The following FAM110B variants were observed in gnomAD, a reference collection of about 807,000 sequenced individuals.
The protein encoded by FAM110B is family with sequence similarity 110 member B.
FAM110B carries 6 observed loss-of-function variants against 20.4 expected under a neutral mutation model. The ratio of observed to expected loss-of-function variants is 0.29; its 90% CI spans 0.16 to 0.58. The LOEUF is 0.58. Ranked by LOEUF, FAM110B falls within the 20% of genes least tolerant of loss-of-function variation. FAM110B has a pLI of 0.90. For missense variants in FAM110B, 434 were observed against 498.2 expected (o/e 0.87, Z 1.23); for synonymous variants, 226 against 214.1 (o/e 1.06, Z -0.49).
intron 3 of FAM110B, among the ~76,000 whole-genome samples, chr8:58,117,780 C>T (rs1397353196): frequency 2.6e-5 from 4 of 151,982 alleles, no homozygotes; most frequent in African/African-American, 9.7e-5. Context: ...GTAGTATGTG[C>T]CTAATGAATA....
chr8:58,142,030 A>G (rs1171791108), intron 3 of FAM110B, among the ~76,000 whole-genome samples: 1 of 152,178 alleles, frequency 6.6e-6, no homozygotes, highest in African/African-American at 2.4e-5. Flanking sequence ...GGTCCTGTTC[A>G]CCTGACTGCA....
intron 3 of FAM110B, among the ~76,000 whole-genome samples, chr8:58,084,147 T>G (rs1045078927): frequency 4.6e-5 from 7 of 152,270 alleles, no homozygotes; most frequent in Admixed American, 4.6e-4. Context: ...GAATTGTGCT[T>G]ATGACCAAGA....
intron 3 of FAM110B, among the ~76,000 whole-genome samples, chr8:58,087,687 A>G (rs1233192835): frequency 6.6e-6 from 1 of 152,210 alleles, no homozygotes; most frequent in Admixed American, 6.5e-5. Flanking sequence ...TAGTGGTTTC[A>G]AGGCTGATGG....
chr8:58,070,915 T>C (rs1805882731), intron 2 of FAM110B, among the ~76,000 whole-genome samples: 1 of 152,208 alleles, frequency 6.6e-6, no homozygotes, highest in East Asian at 1.9e-4. Context: ...TAGTTTTTAT[T>C]AAGCCTTTTG....
At chr8:58,099,155 A>T (rs1194126981) in intron 3 of FAM110B, 1 of 152,174 alleles carries the variant, frequency 6.6e-6, no homozygotes, top group Non-Finnish European at 1.5e-5. Flanking sequence ...GATGTAGACA[A>T]ATACTCAAGG....
At chr8:58,020,641 TTGAA>T (rs1417512366) in intron 1 of FAM110B, among the ~76,000 whole-genome samples, 1 of 152,250 alleles carries the variant, frequency 6.6e-6, no homozygotes, top group Non-Finnish European at 1.5e-5. Context: ...GATTAAAAGA[TTGAA>T]TGAAGCATCA....
intron 2 of FAM110B, among the ~76,000 whole-genome samples, chr8:58,059,611 AT>A (rs1205808458): frequency 6.7e-6 from 1 of 149,158 alleles, no homozygotes; most frequent in Admixed American, 6.7e-5. Flanking sequence ...TTCTTTTGTT[AT>A]TGATTTGTAG....
chr8:58,100,800 C>A (rs1054713753), intron 3 of FAM110B: 3 of 152,194 alleles, frequency 2.0e-5, no homozygotes, highest in Non-Finnish European at 4.4e-5. Context: ...ACAATGCATT[C>A]TGAGGTATTG....
chr8:58,030,546 GGCATAGATCTTAAT>G (rs11271418), intron 1 of FAM110B, among the ~76,000 whole-genome samples: 23,996 of 152,094 alleles, frequency 0.16, 2,365 homozygotes, highest in African/African-American at 0.26. Flanking sequence ...TGAGGACGCT[GGCATAGATCTTAAT>G]GAAGTAGTTT....
intron 1 of FAM110B, among the ~76,000 whole-genome samples, chr8:58,026,628 G>A (rs1044326790): frequency 2.0e-5 from 3 of 152,112 alleles, no homozygotes; most frequent in Non-Finnish European, 4.4e-5. Flanking sequence ...TTAACAAGGG[G>A]ATTGTATTAC....
At chr8:58,042,817 A>G (rs1805247110) in intron 2 of FAM110B, among the ~76,000 whole-genome samples, 1 of 152,246 alleles carries the variant, frequency 6.6e-6, no homozygotes, top group African/African-American at 2.4e-5. Flanking sequence ...ATTGAAATAG[A>G]TAAAAAAGCA....
At position 58,121,909 on chromosome 8, in the gene FAM110B, C is replaced by T. The variant is rs1034318098; in HGVS notation, c.-324-23998C>T. ...CTTCTCATCAACAGAATGTGGGAAC[C>T]GCCTTTGGCTGCCCTTCTGGATGGA... On this transcript the variant is annotated intron_variant, in intron 3 of 3. Coordinates refer to ENST00000519262, the MANE Select transcript of FAM110B (RefSeq NM_001377989.1). Among the ~76,000 whole-genome samples, 6 of 152,290 alleles carry T rather than the reference C, an allele frequency of 3.9e-5. No homozygotes were observed. In the South Asian group the frequency reaches 8.3e-4, roughly 21 times the overall value.
At chr8:58,000,684 A>G (rs1804275224) in intron 1 of FAM110B, among the ~76,000 whole-genome samples, 1 of 152,188 alleles carries the variant, frequency 6.6e-6, no homozygotes, top group East Asian at 1.9e-4. Flanking sequence ...TCTTGGTCAA[A>G]AAGAGACATT....
chr8:58,028,462 T>C (rs564342135), intron 1 of FAM110B, among the ~76,000 whole-genome samples: 1 of 152,306 alleles, frequency 6.6e-6, no homozygotes, highest in Non-Finnish European at 1.5e-5. Flanking sequence ...TATGTAGTGG[T>C]ATCTCATTAA....
intron 3 of FAM110B, among the ~76,000 whole-genome samples, chr8:58,092,113 A>G (rs1160950859): frequency 1.3e-5 from 2 of 152,168 alleles, no homozygotes; most frequent in African/African-American, 4.8e-5. Context: ...TTCCTTTTTC[A>G]TATTTTACTT....
chr8:58,133,368 A>G (rs1414080823), intron 3 of FAM110B, among the ~76,000 whole-genome samples: 1 of 152,078 alleles, frequency 6.6e-6, no homozygotes, highest in African/African-American at 2.4e-5. Flanking sequence ...GAATCTCTAC[A>G]AGGGATTCCA....
At position 57,994,659 on chromosome 8, in the gene FAM110B, G is replaced by C. The variant is rs1282446817; in HGVS notation, c.-659G>C. On this transcript the variant is annotated 5_prime_UTR_variant, in exon 1 of 4. Transcript: ENST00000519262. The stretch of plus-strand genomic sequence containing the variant: ...CCGTCTGCTCTCTACCCGCGGCCCC[G>C]CGGCGGCGACCGTGAACACTCGGCG... 2 of 152,080 alleles carry C rather than the reference G, an allele frequency of 1.3e-5. No homozygotes were observed. The highest frequency in any genetic ancestry group is 1.3e-4 in the Admixed American group (2 of 15,288). 9.4% of individuals were successfully genotyped at this position (152,080 alleles called of 1,614,324 possible).
intron 1 of FAM110B, among the ~76,000 whole-genome samples, chr8:58,013,369 G>A (rs1420170646): frequency 1.3e-5 from 2 of 152,218 alleles, no homozygotes; most frequent in African/African-American, 4.8e-5. Context: ...ATGGTGGGGA[G>A]TGGGTGTTGT....
At chr8:58,082,329 C>G (rs1806218184) in intron 3 of FAM110B, among the ~76,000 whole-genome samples, 1 of 152,162 alleles carries the variant, frequency 6.6e-6, no homozygotes, top group Non-Finnish European at 1.5e-5. Context: ...ATAACTGCAT[C>G]TCCTCTAGAA....
Sources: allele counts gnomAD v4.1 joint callset (sites outside exome capture counted in the v4.1 genomes callset), GRCh38; gene constraint gnomAD v4.1.1; transcripts MANE v1.5; gene names NCBI Gene and HGNC (gene_info 2026-07-23, HGNC 2026-07-21).